CD109: variants seen among roughly 807,000 people sequenced by gnomAD.
CD109 encodes the protein CD109 antigen.
Under a neutral mutation model 165.8 loss-of-function variants are expected in CD109, and 149 were observed. The ratio of observed to expected loss-of-function variants is 0.90; its 90% CI spans 0.79 to 1.03. The LOEUF (loss-of-function observed/expected upper bound fraction) is 1.03, where lower values mean the gene tolerates loss of function less well. CD109 is among the 50% of genes least tolerant of loss of function. The probability of loss-of-function intolerance (pLI) is 0.00; values close to 1 mark genes in which losing one functional copy is unlikely to be tolerated. For synonymous variants in CD109, 585 were observed against 592.1 expected (o/e 0.99, Z 0.18); for missense variants, 1,712 against 1,677.8 (o/e 1.02, Z -0.36).
At chr6:73,793,074 GA>G (rs1218782196) in intron 23 of CD109, among the ~76,000 whole-genome samples, 1 of 152,120 alleles carries the variant, frequency 6.6e-6, no homozygotes, top group East Asian at 1.9e-4. Flanking sequence ...TAAGGGATCT[GA>G]AATTTAAAAC....
chr6:73,785,161 A>G (rs1347306198), intron 19 of CD109, among the ~76,000 whole-genome samples: 4 of 152,240 alleles, frequency 2.6e-5, no homozygotes, highest in African/African-American at 9.6e-5. Flanking sequence ...AAGTATAGCA[A>G]TTATTATGTT....
chr6:73,791,128 C>T (rs111628566), intron 22 of CD109, among the ~76,000 whole-genome samples: 35,090 of 89,462 alleles, frequency 0.39, 7,035 homozygotes, highest in African/African-American at 0.49. Flanking sequence ...CATATATATA[C>T]ATACATACAT....
At position 73,798,949 on chromosome 6, in the gene CD109, A is replaced by G. The variant is rs141128431; in HGVS notation, c.2879-4271A>G. 1.1e-3 allele frequency among the ~76,000 whole-genome samples: 167 copies of G among 151,762 alleles called. 1 individual carries two copies. Among genetic ancestry groups the G allele is most frequent in the African/African-American group, 3.9e-3 (160 of 41,388 alleles). ...TTTGTGTAGGGATTGAGGGCCTCAAACCTATTTTCTTTTTTCTTCTTCCCT... is the reference window on the plus strand; with the variant it reads ...TTTGTGTAGGGATTGAGGGCCTCAAGCCTATTTTCTTTTTTCTTCTTCCCT... On this transcript the variant is annotated intron_variant, in intron 23 of 32. Transcript: ENST00000287097.
intron 25 of CD109, among the ~76,000 whole-genome samples, chr6:73,807,870 C>T (rs565128604): frequency 5.3e-4 from 80 of 152,266 alleles, no homozygotes; most frequent in Non-Finnish European, 1.1e-3. Flanking sequence ...CACCTGTTTA[C>T]TTATAAAAAC....
At position 73,802,305 on chromosome 6, in the gene CD109, A is replaced by ATAT. The variant is rs1554183463; in HGVS notation, c.2879-914_2879-913insATT. The stretch of plus-strand genomic sequence containing the variant: ...TGTGTGTGTGTATATATATATATAT[A>ATAT]TTTTTTTTTTTTTTTTTTTTTTTAG... On this transcript the variant is annotated intron_variant, in intron 23 of 32. Transcript: ENST00000287097. Among the ~76,000 whole-genome samples the ATAT allele has an allele frequency of 8.2e-3, 392 of 47,710 alleles. 3 individuals carry two copies. The highest frequency in any genetic ancestry group is 0.013 in the Non-Finnish European group (326 of 24,190). The allele number at this position is 47,710 out of a possible 152,430, so 31.3% of individuals were successfully genotyped here. A position where few individuals can be genotyped will look rare whatever the true frequency, so the allele number is the denominator to read the frequency against.
chr6:73,703,075 G>A lies in CD109; in HGVS notation c.247+5503G>A, dbSNP rs1771139447. ...AGATACTCTTGTCTTCATTTTGGAGGTGAGGAAATTGAGGCAAAGAGAGAA... is the reference window on the plus strand; with the variant it reads ...AGATACTCTTGTCTTCATTTTGGAGATGAGGAAATTGAGGCAAAGAGAGAA... On this transcript the variant is annotated intron_variant, in intron 2 of 32. Coordinates refer to ENST00000287097, the MANE Select transcript of CD109 (RefSeq NM_133493.5). 2.6e-5 allele frequency among the ~76,000 whole-genome samples: 4 copies of A among 152,312 alleles called. No homozygotes were observed. The South Asian group carries it at 8.3e-4, about 32-fold the overall frequency.
Position 73,825,645 on chromosome 6 carries a change from G to T in CD109, c.*2012G>T. The T allele has an allele frequency of 6.6e-6, 1 of 152,182 alleles. No homozygotes were observed. Among genetic ancestry groups the T allele is most frequent in the Non-Finnish European group, 1.5e-5 (1 of 68,030 alleles). 9.4% of individuals were successfully genotyped at this position (152,182 alleles called of 1,614,324 possible). A position where few individuals can be genotyped will look rare whatever the true frequency, so the allele number is the denominator to read the frequency against. On this transcript the variant is annotated 3_prime_UTR_variant, in exon 33 of 33. Coordinates refer to ENST00000287097, the MANE Select transcript of CD109 (RefSeq NM_133493.5). ...TTTCCTTGTTTAAAAACTATCATTT[G>T]AATACTTTTTTGGTGAAGAACTCCA...
intron 2 of CD109, among the ~76,000 whole-genome samples, chr6:73,707,416 G>A (rs1771320896): frequency 6.6e-6 from 1 of 152,138 alleles, no homozygotes; most frequent in South Asian, 2.1e-4. Context: ...GTAAGCTACA[G>A]AGGAGGAACA....
chr6:73,747,850 CT>C (rs1773036136), intron 5 of CD109, among the ~76,000 whole-genome samples: 1 of 151,882 alleles, frequency 6.6e-6, no homozygotes, highest in Non-Finnish European at 1.5e-5. Context: ...ATTCCCACAG[CT>C]TTTTCCCTTA....
Position 73,771,533 on chromosome 6 carries a change from C to T in CD109, c.1779C>T (p.Asp593=), listed in dbSNP as rs1774034879. Residue 593 remains aspartate, a synonymous_variant, in exon 15 of 33, where the codon GAC becomes GAT. Transcript: ENST00000287097. ...CCATAGTTGGGATTGTAGCTGTTGA[C>T]AAAAGTGTGAATCTGATGAATGCCT... ...PDSIVGIVAV[D]KSVNLMNASN... is the part of the protein sequence containing the mutation. 6.2e-7 allele frequency: 1 copy of T among 1,608,722 alleles called. No individual in the cohort carries two copies. Among genetic ancestry groups the T allele is most frequent in the East Asian group, 2.2e-5 (1 of 44,672 alleles).
rs201327332 is a variant in CD109, at chr6:73,820,448, T to G, written c.4060-13T>G. 1.3e-5 allele frequency: 19 copies of G among 1,500,900 alleles called. No homozygotes were observed. The Admixed American group carries it at 2.1e-4, about 16-fold the overall frequency. 93.0% of individuals were successfully genotyped at this position (1,500,900 alleles called of 1,614,324 possible). ...GTGTGCCAACCCCTTAAGACTCTTTTGTATTTCTCAAGGTAAATGAAACCC... is the reference window on the plus strand; with the variant it reads ...GTGTGCCAACCCCTTAAGACTCTTTGGTATTTCTCAAGGTAAATGAAACCC... On this transcript the variant is annotated splice_polypyrimidine_tract_variant and intron_variant, in intron 31 of 32. Coordinates refer to ENST00000287097, the MANE Select transcript of CD109 (RefSeq NM_133493.5).
intron 2 of CD109, among the ~76,000 whole-genome samples, chr6:73,721,882 G>A (rs768348239): frequency 1.3e-4 from 20 of 152,040 alleles, no homozygotes; most frequent in African/African-American, 2.2e-4. Flanking sequence ...GACTACAGGC[G>A]TGCCACTATG....
intron 30 of CD109, 35 bp downstream of exon 30, chr6:73,815,158 C>G: frequency 6.6e-7 from 1 of 1,516,622 alleles, no homozygotes; most frequent in African/African-American, 1.5e-5. Flanking sequence ...TCTTTTTTTC[C>G]TTTAAAAAAT....
chr6:73,763,504 A>C, intron 9 of CD109, 72 bp from the exon 10 acceptor site: 1 of 811,696 alleles, frequency 1.2e-6, no homozygotes, highest in Non-Finnish European at 2.0e-6. Flanking sequence ...GGTTAGATGG[A>C]GAGATTTGGT....
chr6:73,754,249 G>A (rs1773301005), intron 5 of CD109, among the ~76,000 whole-genome samples: 1 of 152,182 alleles, frequency 6.6e-6, no homozygotes, highest in Non-Finnish European at 1.5e-5. Context: ...TCTAGGAATG[G>A]CAGTTAAAAC....
intron 15 of CD109, among the ~76,000 whole-genome samples, chr6:73,779,994 A>G (rs539621919): frequency 6.8e-6 from 1 of 146,872 alleles, no homozygotes; most frequent in Non-Finnish European, 1.5e-5. Context: ...TTATATTTCT[A>G]CTTTTGTAAA....
chr6:73,679,846 G>A, the CD109 span, among the ~76,000 whole-genome samples: 2 of 152,102 alleles, frequency 1.3e-5, no homozygotes, highest in East Asian at 1.9e-4. Flanking sequence ...TGTTGGCCAG[G>A]CTAGTCTCGA....
chr6:73,760,380 C>A (rs1301300656), intron 7 of CD109, among the ~76,000 whole-genome samples: 1 of 119,160 alleles, frequency 8.4e-6, no homozygotes, highest in Non-Finnish European at 1.6e-5. Context: ...GCAGTCCGGC[C>A]TGGGCTAAAG....
At chr6:73,680,258 A>G in the CD109 span, among the ~76,000 whole-genome samples, 7 of 152,334 alleles carry the variant, frequency 4.6e-5, no homozygotes, top group East Asian at 5.8e-4. Context: ...TTTTTGAAGA[A>G]ATCTGAATTG....
Sources: allele counts gnomAD v4.1 joint callset (sites outside exome capture counted in the v4.1 genomes callset), GRCh38; gene constraint gnomAD v4.1.1; transcripts MANE v1.5; gene names NCBI Gene and HGNC (gene_info 2026-07-23, HGNC 2026-07-21).